Variants in ATXN1 observed in about 807,000 individuals in gnomAD.
The protein encoded by ATXN1 is ataxin 1, also known as ataxin-1.
In ATXN1, 8 loss-of-function variants were observed where a neutral mutation model predicts 56.4. That is an observed-to-expected ratio of 0.14 (90% CI 0.08 to 0.26). The LOEUF (loss-of-function observed/expected upper bound fraction) is 0.26. Among genes scored for constraint, ATXN1 ranks in the 10% least tolerant of loss-of-function variants. The probability of loss-of-function intolerance (pLI) is 1.00; values close to 1 mark genes in which losing one functional copy is unlikely to be tolerated. For synonymous variants in ATXN1, 514 were observed against 494.6 expected, an observed-to-expected ratio of 1.04 and a Z score of -0.52; for missense variants, 987 against 1,106.5, an observed-to-expected ratio of 0.89 and a Z score of 1.53.
chr6:16,422,560 C>T (rs376213642), intron 6 of ATXN1, among the ~76,000 whole-genome samples: 26 of 152,240 alleles, frequency 1.7e-4, no homozygotes, highest in East Asian at 1.5e-3. Flanking sequence ...TCAGTGAATC[C>T]GACTTCTACC....
chr6:16,728,053 CAG>C (rs1759888100), intron 2 of ATXN1, among the ~76,000 whole-genome samples: 1 of 152,198 alleles, frequency 6.6e-6, no homozygotes, highest in Non-Finnish European at 1.5e-5. Context: ...GTGAGGATTA[CAG>C]AGATTAAACG....
intron 5 of ATXN1, among the ~76,000 whole-genome samples, chr6:16,509,077 T>C (rs577610198): frequency 1.1e-3 from 174 of 151,814 alleles, no homozygotes; most frequent in South Asian, 9.8e-3. Context: ...AGGCAGAAAG[T>C]AGAATGGTGA....
chr6:16,418,664 C>T (rs754115105), intron 6 of ATXN1, among the ~76,000 whole-genome samples: 11 of 149,738 alleles, frequency 7.3e-5, no homozygotes, highest in Non-Finnish European at 1.2e-4. Context: ...CCCATTAACT[C>T]GTCATTTAGC....
At chr6:16,714,134 G>A (rs1306839305) in intron 2 of ATXN1, among the ~76,000 whole-genome samples, 2 of 147,690 alleles carry the variant, frequency 1.4e-5, no homozygotes, top group African/African-American at 2.5e-5. Flanking sequence ...CAGCCTGGGC[G>A]ACAGAGTAAG....
Position 16,606,867 on chromosome 6 carries a change from T to TTGTGTGTG in ATXN1, c.-488-20968_-488-20961dup, listed in dbSNP as rs759331296. 1.8e-4 allele frequency among the ~76,000 whole-genome samples: 23 copies of TTGTGTGTG among 126,808 alleles called. 1 individual carries two copies. The highest frequency in any genetic ancestry group is 3.9e-3 in the Middle Eastern group (1 of 258). 83.2% of individuals were successfully genotyped at this position (126,808 alleles called of 152,430 possible). On this transcript the variant is annotated intron_variant, in intron 3 of 7. Coordinates refer to ENST00000436367, the MANE Select transcript of ATXN1 (RefSeq NM_001128164.2). ...GGGGGAAAGTATACAGTTCCATGAGTTGTGTGTGTGTGTGTGTGTGTTGTT... is the reference window on the plus strand; with the variant it reads ...GGGGGAAAGTATACAGTTCCATGAGTTGTGTGTGTGTGTGTGTGTGTGTGTGTGTTGTT...
chr6:16,336,842 C>T (rs1761133971), intron 6 of ATXN1, among the ~76,000 whole-genome samples: 1 of 152,188 alleles, frequency 6.6e-6, no homozygotes, highest in African/African-American at 2.4e-5. Context: ...AGCCCCACTA[C>T]TTATATTATC....
intron 3 of ATXN1, among the ~76,000 whole-genome samples, chr6:16,605,607 G>C (rs575562932): frequency 6.6e-6 from 1 of 152,350 alleles, no homozygotes; most frequent in African/African-American, 2.4e-5. Flanking sequence ...CAGGGATTCA[G>C]ATGCTGGAGC....
At chr6:16,493,894 C>G (rs1581799738) in intron 5 of ATXN1, among the ~76,000 whole-genome samples, 2 of 152,160 alleles carry the variant, frequency 1.3e-5, no homozygotes. Context: ...CTAAAGGTAA[C>G]TCTTTGTATT....
chr6:16,498,150 C>A (rs927782245), intron 5 of ATXN1, among the ~76,000 whole-genome samples: 1 of 152,114 alleles, frequency 6.6e-6, no homozygotes, highest in Admixed American at 6.5e-5. Flanking sequence ...CCCTGTCCCC[C>A]ACTCCTCTCA....
At chr6:16,714,820 T>C (rs1759604381) in intron 2 of ATXN1, among the ~76,000 whole-genome samples, 1 of 152,138 alleles carries the variant, frequency 6.6e-6, no homozygotes, top group Non-Finnish European at 1.5e-5. Context: ...TTACTCAAGG[T>C]GAATTCTTAT....
chr6:16,647,180 T>G (rs1215329137), intron 3 of ATXN1, among the ~76,000 whole-genome samples: 3 of 152,132 alleles, frequency 2.0e-5, no homozygotes, highest in Non-Finnish European at 4.4e-5. Flanking sequence ...AATTTTTATA[T>G]TTTTAGTAGA....
chr6:16,515,155 C>A (rs1028212267), intron 5 of ATXN1, among the ~76,000 whole-genome samples: 1 of 152,068 alleles, frequency 6.6e-6, no homozygotes, highest in Admixed American at 6.5e-5. Context: ...GTGTCCTCCA[C>A]ATCGGTCCCT....
Position 16,506,616 on chromosome 6 carries a change from G to A in ATXN1, c.-299+16011C>T, listed in dbSNP as rs536368915. On this transcript the variant is annotated intron_variant, in intron 5 of 7. Transcript: ENST00000436367. This position sits in a 1 kb window ranked among gnomAD's most constrained non-coding sequence, Gnocchi z 4.1. ...ATAATGTCTTGTTCAGAAGTGTTAG[G>A]AGAATTGATGAGTTAATGTTGGTAA... Among the ~76,000 whole-genome samples, 2 of 152,250 alleles carry A rather than the reference G, an allele frequency of 1.3e-5. No individual in the cohort carries two copies. The highest frequency in any genetic ancestry group is 2.4e-5 in the African/African-American group (1 of 41,546).
intron 6 of ATXN1, among the ~76,000 whole-genome samples, chr6:16,427,065 T>C (rs1408194405): frequency 1.3e-5 from 2 of 152,180 alleles, no homozygotes; most frequent in Non-Finnish European, 2.9e-5. Flanking sequence ...TCTTTGTGGA[T>C]GGACACGGTC....
chr6:16,418,702 T>TC (rs1211700909), intron 6 of ATXN1, among the ~76,000 whole-genome samples: 133 of 57,156 alleles, frequency 2.3e-3, no homozygotes, highest in African/African-American at 8.5e-3. Context: ...ATGCTGTCCC[T>TC]CCCCCCTCCC....
chr6:16,582,777 C>A (rs1762552705), intron 4 of ATXN1, among the ~76,000 whole-genome samples: 2 of 152,206 alleles, frequency 1.3e-5, no homozygotes, highest in Admixed American at 1.3e-4. Flanking sequence ...TTCTGCACAC[C>A]AGCCAGTGAT....
At chr6:16,756,298 A>C (rs1452663106) in intron 1 of ATXN1, among the ~76,000 whole-genome samples, 1 of 152,140 alleles carries the variant, frequency 6.6e-6, no homozygotes, top group East Asian at 1.9e-4. Context: ...TGTAAAACTG[A>C]CACTGTATAT....
chr6:16,342,659 T>A (rs1761278862), intron 6 of ATXN1, among the ~76,000 whole-genome samples: 1 of 152,200 alleles, frequency 6.6e-6, no homozygotes, highest in African/African-American at 2.4e-5. Flanking sequence ...ATGTGGTATA[T>A]CCTTATGACG....
At chr6:16,531,333 G>A (rs935526644) in intron 4 of ATXN1, among the ~76,000 whole-genome samples, 1 of 152,172 alleles carries the variant, frequency 6.6e-6, no homozygotes, top group Non-Finnish European at 1.5e-5. Context: ...TTTAAAAAGT[G>A]CAACCCAGGC....
Sources: gnomAD v4.1 joint callset for allele counts (sites outside exome capture counted in the v4.1 genomes callset) on GRCh38, gnomAD v4.1.1 for gene constraint, Gnocchi (gnomAD v3.1) non-coding constraint, MANE v1.5 for transcripts, NCBI Gene and HGNC (gene_info 2026-07-23, HGNC 2026-07-21) for gene names.